Variants in TBC1D9 observed in about 807,000 individuals in gnomAD.
TBC1D9 encodes the protein TBC1 domain family member 9A.
In TBC1D9, 63 loss-of-function variants were observed where a neutral mutation model predicts 132.0. The observed-to-expected ratio is 0.48, with a 90% CI of 0.39 to 0.59. TBC1D9 has a LOEUF of 0.59. Among genes scored for constraint, TBC1D9 ranks in the 20% least tolerant of loss-of-function variants. The pLI is 0.00. For missense variants in TBC1D9, 1,261 were observed against 1,592.7 expected (o/e 0.79, Z 3.54); for synonymous variants, 610 against 609.9 (o/e 1.00, Z 0.00).
At chr4:140,643,350 G>T (rs1490205359) in intron 13 of TBC1D9, 1 of 1,329,194 alleles carries the variant, frequency 7.5e-7, no homozygotes, top group Admixed American at 2.0e-5. Context: ...CTGGACTCCA[G>T]TAGCACCTGG....
intron 1 of TBC1D9, among the ~76,000 whole-genome samples, chr4:140,718,946 T>C (rs992304433): frequency 1.2e-4 from 18 of 151,868 alleles, no homozygotes; most frequent in African/African-American, 4.4e-4. Flanking sequence ...TTTGTATTTT[T>C]AGTCTCTACT....
chr4:140,635,921 G>A (rs922713024), intron 15 of TBC1D9, among the ~76,000 whole-genome samples: 8 of 152,162 alleles, frequency 5.3e-5, no homozygotes, highest in African/African-American at 1.9e-4. Flanking sequence ...AGCATGAGTG[G>A]AGCCCAGCAG....
At chr4:140,685,237 G>C (rs1737761749) in intron 3 of TBC1D9, among the ~76,000 whole-genome samples, 3 of 152,162 alleles carry the variant, frequency 2.0e-5, no homozygotes, top group Admixed American at 2.0e-4. Flanking sequence ...ACAGAAAACT[G>C]TTTATTATTT....
chr4:140,742,999 A>C (rs1315620313), intron 1 of TBC1D9, among the ~76,000 whole-genome samples: 1 of 151,918 alleles, frequency 6.6e-6, no homozygotes, highest in African/African-American at 2.4e-5. Context: ...AAGGGAAGGA[A>C]GGAGAGAGAA....
intron 9 of TBC1D9, among the ~76,000 whole-genome samples, 199 bp downstream of exon 9, chr4:140,668,718 G>A (rs997592859): frequency 5.3e-5 from 8 of 152,208 alleles, no homozygotes; most frequent in Non-Finnish European, 8.8e-5. Context: ...CATTTGGTCC[G>A]CTTCCTATGG....
chr4:140,638,885 A>G (rs1340424464), intron 15 of TBC1D9, among the ~76,000 whole-genome samples: 1 of 152,220 alleles, frequency 6.6e-6, no homozygotes, highest in East Asian at 1.9e-4. Flanking sequence ...TATTATATGG[A>G]GTGCAAGGTA....
chr4:140,734,612 T>G (rs1344956894), intron 1 of TBC1D9, among the ~76,000 whole-genome samples: 1 of 152,092 alleles, frequency 6.6e-6, no homozygotes, highest in Non-Finnish European at 1.5e-5. Context: ...GGCAACATAG[T>G]GAGACCCCCA....
In TBC1D9 at chr4:140,659,707, T is replaced by TA. The variant is rs1237335562; in HGVS notation, c.1804-3dup. ...CACTGAAGTGACAATATTCATGGCC[T>TA]AAAAAAGTGAAAGAGGATGTCATCA... On this transcript the variant is annotated splice_polypyrimidine_tract_variant and splice_region_variant and intron_variant, in intron 10 of 20. Coordinates refer to ENST00000442267, the MANE Select transcript of TBC1D9 (RefSeq NM_015130.3). 2 of 1,586,842 alleles carry TA rather than the reference T, an allele frequency of 1.3e-6. No individual in the cohort carries two copies. The highest frequency in any genetic ancestry group is 1.8e-5 in the Admixed American group (1 of 56,850).
chr4:140,693,260 A>T (rs1190086965), intron 2 of TBC1D9, among the ~76,000 whole-genome samples: 1 of 152,158 alleles, frequency 6.6e-6, no homozygotes, highest in African/African-American at 2.4e-5. Context: ...CACTGCACAC[A>T]TCCAAAGTCT....
Position 140,624,243 on chromosome 4 carries a change from A to C in TBC1D9, c.2975-24T>G, listed in dbSNP as rs2291713. On this transcript the variant is annotated intron_variant, in intron 19 of 20. Coordinates refer to ENST00000442267, the MANE Select transcript of TBC1D9 (RefSeq NM_015130.3). ...CCCTACAACCCAAATGTCAAGAAAT[A>C]AGTGCTTACAGGCCAAAAAACAAGT... 253,411 of 1,609,642 alleles carry C rather than the reference A, an allele frequency of 0.16. 23,742 individuals carry two copies. Among genetic ancestry groups the C allele is most frequent in the African/African-American group, 0.45 (33,536 of 74,820 alleles).
chr4:140,638,654 G>A (rs1736917035), intron 15 of TBC1D9, among the ~76,000 whole-genome samples: 1 of 151,972 alleles, frequency 6.6e-6, no homozygotes, highest in Non-Finnish European at 1.5e-5. Flanking sequence ...GATTGGTAGG[G>A]GCTGAATTAG....
intron 13 of TBC1D9, chr4:140,643,945 C>T: frequency 7.8e-6 from 5 of 639,930 alleles, no homozygotes; most frequent in East Asian, 3.2e-5. Flanking sequence ...ACATCCTCCA[C>T]CTCCACCTTC....
At chr4:140,730,728 A>G (rs1371643292) in intron 1 of TBC1D9, among the ~76,000 whole-genome samples, 2 of 152,190 alleles carry the variant, frequency 1.3e-5, no homozygotes, top group Non-Finnish European at 2.9e-5. Context: ...TCCGTCTCAA[A>G]AAAACAAAAA....
At chr4:140,663,671 A>G (rs1309890513) in intron 9 of TBC1D9, among the ~76,000 whole-genome samples, 2 of 152,214 alleles carry the variant, frequency 1.3e-5, no homozygotes, top group Non-Finnish European at 2.9e-5. Flanking sequence ...GATAAAGAAA[A>G]TGGGGCATAT....
chr4:140,743,407 G>A (rs1329523257), intron 1 of TBC1D9, among the ~76,000 whole-genome samples: 1 of 152,134 alleles, frequency 6.6e-6, no homozygotes, highest in Non-Finnish European at 1.5e-5. Context: ...ACGTTATTAA[G>A]CCACATTTTA....
At chr4:140,658,827 C>A (rs1010459851) in intron 11 of TBC1D9, among the ~76,000 whole-genome samples, 1 of 151,560 alleles carries the variant, frequency 6.6e-6, no homozygotes, top group African/African-American at 2.4e-5. Flanking sequence ...AAAAAAATCA[C>A]ACTTCTGGAT....
chr4:140,743,596 C>G (rs1187385569), intron 1 of TBC1D9, among the ~76,000 whole-genome samples: 2 of 152,188 alleles, frequency 1.3e-5, no homozygotes, highest in Non-Finnish European at 2.9e-5. Flanking sequence ...GGGCTTTTGT[C>G]TGTGGCATTC....
At chr4:140,681,257 G>A (rs1268804013) in intron 3 of TBC1D9, among the ~76,000 whole-genome samples, 1 of 152,140 alleles carries the variant, frequency 6.6e-6, no homozygotes, top group Admixed American at 6.5e-5. Flanking sequence ...AGACTGTTCT[G>A]TTTCGTGAAT....
At position 140,679,984 on chromosome 4, in the gene TBC1D9, A is replaced by G. The variant is rs1430495260; in HGVS notation, c.361-141T>C. 1.7e-5 allele frequency: 10 copies of G among 597,718 alleles called. No homozygotes were observed. The South Asian group carries it at 2.1e-4, about 12-fold the overall frequency. The allele number at this position is 597,718 out of a possible 1,614,324, so 37.0% of individuals were successfully genotyped here. A position where few individuals can be genotyped will look rare whatever the true frequency, so the allele number is the denominator to read the frequency against. On this transcript the variant is annotated intron_variant, in intron 3 of 20. Coordinates refer to ENST00000442267, the MANE Select transcript of TBC1D9 (RefSeq NM_015130.3). ...CTTCAATGGCAACCCCCAAATTCTA[A>G]GCCAATTATTGAGTAGTATTTGTGT...
Sources: allele counts gnomAD v4.1 joint callset (sites outside exome capture counted in the v4.1 genomes callset), GRCh38; gene constraint gnomAD v4.1.1; transcripts MANE v1.5; gene names NCBI Gene and HGNC (gene_info 2026-07-23, HGNC 2026-07-21).